Variants in PTPRA observed in about 807,000 individuals in gnomAD.
The protein encoded by PTPRA is protein tyrosine phosphatase receptor type A, also known as receptor-type tyrosine-protein phosphatase alpha.
PTPRA carries 25 observed loss-of-function variants against 104.8 expected under a neutral mutation model. The ratio of observed to expected loss-of-function variants is 0.24; its 90% confidence interval spans 0.17 to 0.33. PTPRA has a LOEUF of 0.33. PTPRA is among the 10% of genes least tolerant of loss of function. The pLI, the probability that PTPRA is intolerant of heterozygous loss-of-function variation, is 1.00. For synonymous variants in PTPRA, 323 were observed against 368.9 expected (o/e 0.88, Z 1.43); for missense variants, 765 against 1,015.3 (o/e 0.75, Z 3.35).
chr20:3,037,125 G>A lies in PTPRA; in HGVS notation c.2199-29G>A, dbSNP rs375022852. 6.4e-4 allele frequency: 1,026 copies of A among 1,610,226 alleles called. 7 individuals carry two copies. Among genetic ancestry groups the A allele is most frequent in the South Asian group, 5.0e-3 (455 of 90,452 alleles). Reference sequence around the variant, plus strand: ...CCCCTTGCACAGAGGGCCATCACAGGTGTGGTAAATGTGTCTGCTCTGTTG... The same window carrying A: ...CCCCTTGCACAGAGGGCCATCACAGATGTGGTAAATGTGTCTGCTCTGTTG... On this transcript the variant is annotated intron_variant, in intron 22 of 23. Coordinates refer to ENST00000399903, the MANE Select transcript of PTPRA (RefSeq NM_001385305.1). This position sits in a 1 kb window ranked among gnomAD's most constrained non-coding sequence, Gnocchi z 4.3.
At chr20:2,994,043 C>G (rs1198810327) in intron 9 of PTPRA, among the ~76,000 whole-genome samples, 1 of 152,226 alleles carries the variant, frequency 6.6e-6, no homozygotes, top group Non-Finnish European at 1.5e-5. Flanking sequence ...AGGCTCCGTT[C>G]TAACTAGCAT....
the PTPRA span, among the ~76,000 whole-genome samples, chr20:2,868,075 C>G: frequency 6.6e-6 from 1 of 152,158 alleles, no homozygotes; most frequent in East Asian, 1.9e-4. Context: ...AACTCACACA[C>G]TTGGTGAGTG....
At chr20:2,992,473 C>T (rs6076452) in intron 9 of PTPRA, among the ~76,000 whole-genome samples, 52,850 of 151,896 alleles carry the variant, frequency 0.35, 10,275 homozygotes, top group East Asian at 0.68. Context: ...GCCGAGACCA[C>T]GCCATTGCAC....
intron 20 of PTPRA, among the ~76,000 whole-genome samples, chr20:3,030,539 A>G (rs1015436771): frequency 5.3e-5 from 8 of 152,162 alleles, no homozygotes; most frequent in African/African-American, 1.9e-4. Context: ...AAAGGTGCCT[A>G]CACTTATACA....
Position 2,937,845 on chromosome 20 carries a change from GAT to G in PTPRA, c.-49-10135_-49-10134del, listed in dbSNP as rs944458253. On this transcript the variant is annotated intron_variant, in intron 2 of 23. Coordinates refer to ENST00000399903, the MANE Select transcript of PTPRA (RefSeq NM_001385305.1). ...TTCACTGTCTATAGAATTTTAGCTT[GAT>G]AGTTATTTTCTTTCAGCATTTGAAA... Among the ~76,000 whole-genome samples, 175 of 152,230 alleles carry G rather than the reference GAT, an allele frequency of 1.1e-3. 2 individuals carry two copies. Among genetic ancestry groups the G allele is most frequent in the African/African-American group, 3.9e-3 (164 of 41,552 alleles).
the PTPRA span, chr20:2,865,056 G>A: frequency 4.3e-6 from 7 of 1,614,160 alleles, no homozygotes; most frequent in Non-Finnish European, 5.9e-6. The surrounding 1 kb of genome is among the most constrained non-coding windows in gnomAD (Gnocchi z 5.2). Context: ...TGCAGCCAAG[G>A]TTTGGCCCAC....
At chr20:2,897,727 T>A (rs1205405751) in intron 1 of PTPRA, among the ~76,000 whole-genome samples, 2 of 152,050 alleles carry the variant, frequency 1.3e-5, no homozygotes, top group African/African-American at 2.4e-5. Flanking sequence ...GCTTTCTCTC[T>A]CTGGTTTTTG....
intron 6 of PTPRA, among the ~76,000 whole-genome samples, chr20:2,984,370 A>G (rs1361798582): frequency 2.0e-5 from 3 of 152,046 alleles, no homozygotes; most frequent in Non-Finnish European, 4.4e-5. Context: ...ACCCATATTC[A>G]ACTGAAAATA....
chr20:2,910,589 G>GTTTTTT (rs1423909050), intron 1 of PTPRA, among the ~76,000 whole-genome samples: 1 of 57,986 alleles, frequency 1.7e-5, no homozygotes. Context: ...TTTTTTTTTT[G>GTTTTTT]TTTTTTTTTT....
intron 9 of PTPRA, among the ~76,000 whole-genome samples, chr20:3,001,248 C>G (rs2063611976): frequency 6.6e-6 from 1 of 152,202 alleles, no homozygotes; most frequent in Non-Finnish European, 1.5e-5. Context: ...CATTCTGAAC[C>G]TTTGCATCTA....
intron 1 of PTPRA, among the ~76,000 whole-genome samples, chr20:2,894,624 C>G (rs1002124656): frequency 6.6e-6 from 1 of 150,520 alleles, no homozygotes; most frequent in Non-Finnish European, 1.5e-5. Flanking sequence ...TTTTTTTTAG[C>G]CCACTGTGCT....
intron 7 of PTPRA, among the ~76,000 whole-genome samples, chr20:2,987,254 C>T (rs1019679087): frequency 1.3e-5 from 2 of 152,016 alleles, no homozygotes; most frequent in African/African-American, 4.8e-5. Context: ...TACTGTATTT[C>T]TGGCTGGGGC....
At chr20:2,931,271 T>C (rs2060493416) in intron 2 of PTPRA, among the ~76,000 whole-genome samples, 1 of 151,986 alleles carries the variant, frequency 6.6e-6, no homozygotes. Context: ...GTTATGCAAG[T>C]AGAAAGACCA....
chr20:2,870,605 G>C (rs1475707482), upstream of PTPRA, among the ~76,000 whole-genome samples: 1 of 152,220 alleles, frequency 6.6e-6, no homozygotes, highest in Non-Finnish European at 1.5e-5. Context: ...CACATGGTCT[G>C]CACTCAATAA....
chr20:3,011,986 C>G (rs2064192465), intron 11 of PTPRA, among the ~76,000 whole-genome samples: 1 of 152,218 alleles, frequency 6.6e-6, no homozygotes, highest in Non-Finnish European at 1.5e-5. Flanking sequence ...TTGCTCATTT[C>G]TACCCCAAGT....
chr20:2,933,087 A>G (rs923230799), intron 2 of PTPRA, among the ~76,000 whole-genome samples: 2 of 152,226 alleles, frequency 1.3e-5, no homozygotes, highest in African/African-American at 4.8e-5. Flanking sequence ...AGTAGATTAC[A>G]TAAATGTCAG....
intron 13 of PTPRA, among the ~76,000 whole-genome samples, chr20:3,019,374 G>C (rs535619639): frequency 6.7e-6 from 1 of 149,434 alleles, no homozygotes; most frequent in Non-Finnish European, 1.5e-5. Context: ...GCTGCTGGGC[G>C]GAGGGGCTCC....
At chr20:2,921,352 C>T (rs1325892788) in intron 1 of PTPRA, among the ~76,000 whole-genome samples, 1 of 137,464 alleles carries the variant, frequency 7.3e-6, no homozygotes. Context: ...TGAAGAACAC[C>T]AACAGTTGTT....
At chr20:2,867,077 G>A in the PTPRA span, among the ~76,000 whole-genome samples, 1 of 152,358 alleles carries the variant, frequency 6.6e-6, no homozygotes, top group African/African-American at 2.4e-5. Context: ...GCCCTGTGAG[G>A]TAACATCACC....
Sources: gnomAD v4.1 joint callset for allele counts (sites outside exome capture counted in the v4.1 genomes callset) on GRCh38, gnomAD v4.1.1 for gene constraint, Gnocchi (gnomAD v3.1) non-coding constraint, MANE v1.5 for transcripts, NCBI Gene and HGNC (gene_info 2026-07-23, HGNC 2026-07-21) for gene names.